Variants in KCNIP4 observed in about 807,000 individuals in gnomAD.
The protein encoded by KCNIP4 is Kv channel-interacting protein 4.
In KCNIP4, 12 loss-of-function variants were observed where a neutral mutation model predicts 34.0. The ratio of observed to expected loss-of-function variants is 0.35; its 90% CI spans 0.23 to 0.57. The LOEUF (loss-of-function observed/expected upper bound fraction) is 0.57. Among genes scored for constraint, KCNIP4 ranks in the 20% least tolerant of loss-of-function variants. The pLI is 0.83. For synonymous variants in KCNIP4, 124 were observed against 102.2 expected (o/e 1.21, Z -1.29); for missense variants, 238 against 311.7 (o/e 0.76, Z 1.78).
In KCNIP4 at chr4:20,928,712, C is replaced by T. The variant is rs1730142342; in HGVS notation, c.62-46003G>A. Among the ~76,000 whole-genome samples the T allele has an allele frequency of 2.6e-5, 4 of 151,852 alleles. No individual in the cohort carries two copies. In the South Asian group the frequency reaches 6.2e-4, roughly 24 times the overall value. On this transcript the variant is annotated intron_variant, in intron 1 of 8. Coordinates refer to ENST00000382152, the MANE Select transcript of KCNIP4 (RefSeq NM_025221.6). The stretch of plus-strand genomic sequence containing the variant: ...ATAGGTAAACAAAATTCACAAACTC[C>T]TAACTACCTAAGGAAAAAGACTCAA...
chr4:21,310,396 C>A (rs1335242651), intron 1 of KCNIP4, among the ~76,000 whole-genome samples: 1 of 151,988 alleles, frequency 6.6e-6, no homozygotes, highest in African/African-American at 2.4e-5. Context: ...AATCACTTGC[C>A]CAGGTGCTCC....
intron 1 of KCNIP4, among the ~76,000 whole-genome samples, chr4:21,746,131 T>A (rs933271925): frequency 3.9e-5 from 6 of 152,116 alleles, no homozygotes; most frequent in African/African-American, 1.4e-4. Flanking sequence ...AATTTCCTCC[T>A]CTTATAGGAC....
chr4:21,280,116 C>A (rs1762686278), intron 1 of KCNIP4, among the ~76,000 whole-genome samples: 1 of 152,074 alleles, frequency 6.6e-6, no homozygotes, highest in East Asian at 1.9e-4. Context: ...ACATTTATTC[C>A]ATTCTTTTGT....
At chr4:21,083,052 G>A (rs150469531) in intron 1 of KCNIP4, among the ~76,000 whole-genome samples, 24 of 151,876 alleles carry the variant, frequency 1.6e-4, no homozygotes, top group Middle Eastern at 6.8e-3. Context: ...TTTGGATGCA[G>A]GTCTCTTTGG....
chr4:21,066,982 A>G (rs73802446), intron 1 of KCNIP4, among the ~76,000 whole-genome samples: 5,454 of 152,224 alleles, frequency 0.036, 313 homozygotes, highest in African/African-American at 0.12. Context: ...CACAGCTCCA[A>G]AAGAGACTCA....
intron 1 of KCNIP4, among the ~76,000 whole-genome samples, chr4:21,646,689 A>G (rs915873861): frequency 2.6e-5 from 4 of 152,162 alleles, no homozygotes; most frequent in African/African-American, 4.8e-5. Context: ...TTTGCTCTCC[A>G]TTGCCCAAGT....
At chr4:20,832,316 T>C (rs1294681263) in intron 3 of KCNIP4, among the ~76,000 whole-genome samples, 1 of 152,156 alleles carries the variant, frequency 6.6e-6, no homozygotes, top group Non-Finnish European at 1.5e-5. Flanking sequence ...TGAAGTGGTG[T>C]ATTCAGGAAC....
intron 1 of KCNIP4, among the ~76,000 whole-genome samples, chr4:21,867,886 C>T (rs909673235): frequency 7.2e-5 from 11 of 152,234 alleles, no homozygotes; most frequent in African/African-American, 2.6e-4. Flanking sequence ...CAGAGATGGT[C>T]TTTTTTAAAA....
intron 1 of KCNIP4, among the ~76,000 whole-genome samples, chr4:21,608,202 C>T (rs1002214978): frequency 2.0e-5 from 3 of 152,164 alleles, no homozygotes; most frequent in African/African-American, 7.2e-5. Context: ...CTTAAAGAAA[C>T]ACAAATTTAT....
chr4:21,147,254 C>A (rs115910289), intron 1 of KCNIP4, among the ~76,000 whole-genome samples: 8 of 152,034 alleles, frequency 5.3e-5, no homozygotes, highest in Non-Finnish European at 1.2e-4. Context: ...GCCCCCACCC[C>A]CAAACCTGGG....
chr4:21,224,578 G>GGTT (rs1553838095), intron 1 of KCNIP4, among the ~76,000 whole-genome samples: 1 of 44,880 alleles, frequency 2.2e-5, no homozygotes, highest in African/African-American at 1.0e-4. Flanking sequence ...TTTTTCAACT[G>GGTT]TTTTTTTTTT....
intron 1 of KCNIP4, among the ~76,000 whole-genome samples, chr4:21,921,804 C>T (rs536124937): frequency 1.1e-4 from 16 of 152,330 alleles, no homozygotes; most frequent in Admixed American, 9.2e-4. Flanking sequence ...ACTCATCCTC[C>T]TGCTTCTTTT....
intron 1 of KCNIP4, among the ~76,000 whole-genome samples, chr4:21,003,177 A>G (rs1738284042): frequency 6.6e-6 from 1 of 152,158 alleles, no homozygotes; most frequent in Admixed American, 6.5e-5. Flanking sequence ...TCACTTCCTG[A>G]AGGTCACAAA....
At chr4:20,952,149 A>G (rs1732851354) in intron 1 of KCNIP4, among the ~76,000 whole-genome samples, 1 of 152,200 alleles carries the variant, frequency 6.6e-6, no homozygotes, top group Non-Finnish European at 1.5e-5. Flanking sequence ...TTCTGCTTTT[A>G]TTATTGATCT....
At chr4:21,451,799 C>T (rs538974977) in intron 1 of KCNIP4, among the ~76,000 whole-genome samples, 4 of 152,054 alleles carry the variant, frequency 2.6e-5, no homozygotes, top group Non-Finnish European at 4.4e-5. Context: ...ATTTTGAAAA[C>T]GTCTTTACTG....
At chr4:21,052,528 G>A (rs894300656) in intron 1 of KCNIP4, among the ~76,000 whole-genome samples, 2 of 152,118 alleles carry the variant, frequency 1.3e-5, no homozygotes, top group Non-Finnish European at 2.9e-5. Flanking sequence ...CTTACAAAAG[G>A]CACTTGTAAT....
At chr4:20,838,276 G>A (rs1719310844) in intron 3 of KCNIP4, among the ~76,000 whole-genome samples, 1 of 152,178 alleles carries the variant, frequency 6.6e-6, no homozygotes, top group Non-Finnish European at 1.5e-5. Context: ...GGTTCTTCAA[G>A]TGGTATTTGA....
At chr4:20,882,933 C>A (rs1389561114) in intron 1 of KCNIP4, among the ~76,000 whole-genome samples, 2 of 148,218 alleles carry the variant, frequency 1.3e-5, no homozygotes, top group African/African-American at 5.0e-5. Flanking sequence ...TAATGACGAA[C>A]AAGTGAAAGC....
At chr4:21,394,249 A>G (rs1722790460) in intron 1 of KCNIP4, among the ~76,000 whole-genome samples, 1 of 152,140 alleles carries the variant, frequency 6.6e-6, no homozygotes, top group Non-Finnish European at 1.5e-5. Context: ...AAATATATCT[A>G]AAAATTCAGT....
Sources: gnomAD v4.1 joint callset for allele counts (sites outside exome capture counted in the v4.1 genomes callset) on GRCh38, gnomAD v4.1.1 for gene constraint, MANE v1.5 for transcripts, NCBI Gene and HGNC (gene_info 2026-07-23, HGNC 2026-07-21) for gene names.